IGDCC4: variants seen among roughly 807,000 people sequenced by gnomAD.
IGDCC4 encodes immunoglobulin superfamily DCC subclass member 4, also known as likely ortholog of mouse neighbor of Punc E11.
In IGDCC4, 72 loss-of-function variants were observed where a neutral mutation model predicts 116.6. The ratio of observed to expected loss-of-function variants is 0.62; its 90% CI spans 0.51 to 0.75. The LOEUF is 0.75. Among genes scored for constraint, IGDCC4 ranks in the 30% least tolerant of loss-of-function variants. The pLI, the probability that IGDCC4 is intolerant of heterozygous loss-of-function variation, is 0.00. For synonymous variants in IGDCC4, 709 were observed against 719.9 expected, an observed-to-expected ratio of 0.98 and a Z score of 0.24; for missense variants, 1,501 against 1,662.4, an observed-to-expected ratio of 0.90 and a Z score of 1.69.
At position 65,393,005 on chromosome 15, in the gene IGDCC4, A is replaced by G. The variant is rs2062881861; in HGVS notation, c.1885+356T>C. On this transcript the variant is annotated intron_variant, in intron 10 of 19. Transcript: ENST00000352385. The surrounding 1 kb of genome is among the most constrained non-coding windows in gnomAD (Gnocchi z 4.6). ...TTGGTCAGCATTTAATCACTCTTCT[A>G]TTGGGCCTCTCAACAAAAACAATCA... Among the ~76,000 whole-genome samples, 1 of 152,134 alleles carries G rather than the reference A, an allele frequency of 6.6e-6. No homozygotes were observed. Among genetic ancestry groups the G allele is most frequent in the South Asian group, 2.1e-4 (1 of 4,830 alleles).
At position 65,384,222 on chromosome 15, in the gene IGDCC4, C is replaced by T; in HGVS notation, c.3540G>A (p.Leu1180=). ...VGDPGQGAAW[L]DRELGGCELA... ...GCTCACACCCTCCCAACTCCCTGTC[C>T]AGCCAGGCTGCCCCCTGCCCTGGAT... The change falls in exon 20 of 20, where the codon CTG becomes CTA. Residue 1180 remains leucine, a synonymous_variant. Transcript: ENST00000352385. This position sits in a 1 kb window ranked among gnomAD's most constrained non-coding sequence, Gnocchi z 4.9. 11 of 1,601,992 alleles carry T rather than the reference C, an allele frequency of 6.9e-6. No homozygotes were observed. Among genetic ancestry groups the T allele is most frequent in the Non-Finnish European group, 9.4e-6 (11 of 1,171,296 alleles).
chr15:65,381,989 C>CT lies in IGDCC4; in HGVS notation c.*2019dup, dbSNP rs1202506480. 2.6e-5 allele frequency: 4 copies of CT among 152,410 alleles called. No homozygotes were observed. Among genetic ancestry groups the CT allele is most frequent in the African/African-American group, 9.7e-5 (4 of 41,368 alleles). The allele number at this position is 152,410 out of a possible 1,614,324, so 9.4% of individuals were successfully genotyped here. The stretch of plus-strand genomic sequence containing the variant: ...GCAGCTATTTAATTTAAACCAGAAC[C>CT]TCAGTGCCTGTTAAACAAGAACATG... On this transcript the variant is annotated 3_prime_UTR_variant, in exon 20 of 20. Coordinates refer to ENST00000352385, the MANE Select transcript of IGDCC4 (RefSeq NM_020962.3).
In IGDCC4 at chr15:65,390,149, C is replaced by A. The variant is rs759756674; in HGVS notation, c.2408+6G>T. ...TCTTTACATTAGTAAAGGCATTAGT[C>A]CCCACCTGGTGTAATAGGTGACCAG... On this transcript the variant is annotated splice_donor_region_variant and intron_variant, in intron 13 of 19. Coordinates refer to ENST00000352385, the MANE Select transcript of IGDCC4 (RefSeq NM_020962.3). 13 of 1,571,612 alleles carry A rather than the reference C, an allele frequency of 8.3e-6. No individual in the cohort carries two copies. Among genetic ancestry groups the A allele is most frequent in the Admixed American group, 1.7e-5 (1 of 59,088 alleles).
chr15:65,397,009 C>A lies in IGDCC4; in HGVS notation c.842-20G>T. 1 of 1,571,508 alleles carries A rather than the reference C, an allele frequency of 6.4e-7. No homozygotes were observed. Among genetic ancestry groups the A allele is most frequent in the Non-Finnish European group, 8.6e-7 (1 of 1,157,634 alleles). On this transcript the variant is annotated intron_variant, in intron 5 of 19. Coordinates refer to ENST00000352385, the MANE Select transcript of IGDCC4 (RefSeq NM_020962.3). ...TCCCGTCTGGGGAAGGAGAGGGAGA[C>A]GCGCTGGAGGGGACGCTAGGGACTG...
intron 13 of IGDCC4, among the ~76,000 whole-genome samples, chr15:65,389,742 C>G (rs1595777703): frequency 6.6e-6 from 1 of 152,200 alleles, no homozygotes; most frequent in Non-Finnish European, 1.5e-5. Context: ...ATATCGGTTG[C>G]TTTTTATGCG....
intron 7 of IGDCC4, 27 bp from the exon 8 acceptor site, chr15:65,395,285 G>A: frequency 6.3e-7 from 1 of 1,593,274 alleles, no homozygotes; most frequent in Non-Finnish European, 8.6e-7. Flanking sequence ...CAAGGGGACT[G>A]TCATAGTGCC....
At chr15:65,422,693 G>A in intron 1 of IGDCC4, 100 bp downstream of exon 1, 1 of 999,812 alleles carries the variant, frequency 1.0e-6, no homozygotes, top group Non-Finnish European at 1.3e-6. Context: ...CACTTGCTCG[G>A]GACTCCGGCT....
At position 65,410,237 on chromosome 15, in the gene IGDCC4, C is replaced by T; in HGVS notation, c.504G>A (p.Gly168=). Residue 168 remains glycine (G), a synonymous_variant, in exon 3 of 20, where the codon GGG becomes GGA. Coordinates refer to ENST00000352385, the MANE Select transcript of IGDCC4 (RefSeq NM_020962.3). ...GTARFECHIE[G]LPAPIITWEK... is the part of the protein sequence containing the mutation. ...CCCAAGTAATGATGGGAGCTGGCAG[C>T]CCTTCAATGTGGCACTCAAAGCGAG... 6.2e-7 allele frequency: 1 copy of T among 1,614,002 alleles called. No homozygotes were observed. The highest frequency in any genetic ancestry group is 8.5e-7 in the Non-Finnish European group (1 of 1,180,026).
chr15:65,411,242 G>A lies in IGDCC4; in HGVS notation c.199C>T (p.Pro67Ser). 1 of 1,614,152 alleles carries A rather than the reference G, an allele frequency of 6.2e-7. No homozygotes were observed. Among genetic ancestry groups the A allele is most frequent in the Non-Finnish European group, 8.5e-7 (1 of 1,180,012 alleles). ...CSLGAAAAGP[P>S]TRVTWSKDGD... ...TCCTTGCTCCAGGTCACCCTGGTGG[G>A]GGGTCCAGCGGCAGCAGCCCCCAGG... Residue 67 changes from proline to serine, a missense_variant, in exon 2 of 20, where the codon CCC becomes TCC. Pro to Ser is a moderately conservative substitution (Grantham distance 74). This residue lies in a region of IGDCC4 where 898 missense variants were observed against 978.9 expected (regional missense o/e 0.92). Transcript: ENST00000352385.
intron 4 of IGDCC4, among the ~76,000 whole-genome samples, chr15:65,401,787 T>C (rs905925170): frequency 2.6e-5 from 4 of 152,154 alleles, no homozygotes; most frequent in Non-Finnish European, 2.9e-5. Context: ...GTCATGCAGA[T>C]GGTGAGCAGA....
intron 14 of IGDCC4, 96 bp downstream of exon 14, chr15:65,389,188 C>T: frequency 1.3e-6 from 2 of 1,536,564 alleles, no homozygotes; most frequent in Non-Finnish European, 1.8e-6. Flanking sequence ...CCAGCTCTGC[C>T]CAAACCTTGG....
rs2062876169 is a variant in IGDCC4 at position 65,392,327 on chromosome 15, C to T, written c.1929G>A (p.Glu643=). The stretch of plus-strand genomic sequence containing the variant: ...GTGGCTGCCATGACACGACCAGGGA[C>T]TCCATCTTTGCCTGCACCTTCAACT... The part of the protein sequence containing the change: ...PAELKVQAKM[E]SLVVSWQPPP... Residue 643 remains glutamate (E), a synonymous_variant, in exon 11 of 20, where the codon GAG becomes GAA. Coordinates refer to ENST00000352385, the MANE Select transcript of IGDCC4 (RefSeq NM_020962.3). The T allele has an allele frequency of 6.3e-7, 1 of 1,578,542 alleles. No individual in the cohort carries two copies. Among genetic ancestry groups the T allele is most frequent in the South Asian group, 1.2e-5 (1 of 86,070 alleles).
rs1489228729 is a variant in IGDCC4, at chr15:65,410,209, T to C, written c.532A>G (p.Lys178Glu). The C allele has an allele frequency of 1.9e-6, 3 of 1,613,434 alleles. No homozygotes were observed. In the Admixed American group the frequency reaches 5.0e-5, roughly 27 times the overall value. ...TCCTCAGGCAATGTCACCTGGTCCTTCTCCCAAGTAATGATGGGAGCTGGC... is the reference window on the plus strand; with the variant it reads ...TCCTCAGGCAATGTCACCTGGTCCTCCTCCCAAGTAATGATGGGAGCTGGC... ...GLPAPIITWE[K>E]DQVTLPEEPR... Residue 178 changes from lysine (K) to glutamate (E), a missense_variant, in exon 3 of 20, where the codon AAG becomes GAG. Lys to Glu is a moderately conservative substitution (Grantham distance 56, BLOSUM62 1). Around this residue, in one of 3 missense-constraint regions of IGDCC4, gnomAD observed 898 missense variants for 978.9 expected, o/e 0.92. Transcript: ENST00000352385.
chr15:65,390,230 A>G lies in IGDCC4; in HGVS notation c.2333T>C (p.Val778Ala). 1.9e-6 allele frequency: 3 copies of G among 1,613,336 alleles called. No individual in the cohort carries two copies. The highest frequency in any genetic ancestry group is 2.5e-6 in the Non-Finnish European group (3 of 1,179,432). Residue 778 changes from valine to alanine, a missense_variant, in exon 13 of 20, where the codon GTC (valine) becomes GCC (alanine). This residue lies in a region of IGDCC4 where 235 missense variants were observed against 328.0 expected (regional missense o/e 0.72). Transcript: ENST00000352385. ...LRWKKPDFTT[V>A]KIVNYTVRFS... ...GCGCACAGTGTAGTTGACAATCTTG[A>G]CTGTGGTGAAATCTGGCTTTTTCCA...
intron 12 of IGDCC4, 54 bp downstream of exon 12, chr15:65,391,826 G>A (rs2091517607): frequency 2.7e-6 from 4 of 1,505,212 alleles, no homozygotes; most frequent in African/African-American, 2.7e-5. Context: ...AGAGGAAGCG[G>A]CTAGCAGAGC....
chr15:65,419,927 G>A (rs1386070091), intron 1 of IGDCC4, among the ~76,000 whole-genome samples: 1 of 152,120 alleles, frequency 6.6e-6, no homozygotes, highest in African/African-American at 2.4e-5. Context: ...CCTTCATTCT[G>A]CCTCATGTTT....
chr15:65,404,728 T>C (rs575056120), intron 3 of IGDCC4, among the ~76,000 whole-genome samples: 8 of 152,128 alleles, frequency 5.3e-5, no homozygotes, highest in Admixed American at 1.3e-4. Flanking sequence ...TCCCCAGATA[T>C]GGTGCTATTG....
At chr15:65,409,943 C>T (rs1383408592) in intron 3 of IGDCC4, among the ~76,000 whole-genome samples, 3 of 152,202 alleles carry the variant, frequency 2.0e-5, no homozygotes, top group African/African-American at 7.2e-5. Context: ...AAGGACTCTA[C>T]TACTACACCT....
intron 5 of IGDCC4, 25 bp from the exon 6 acceptor site, chr15:65,397,014 T>G: frequency 6.4e-7 from 1 of 1,569,028 alleles, no homozygotes; most frequent in Non-Finnish European, 8.6e-7. Flanking sequence ...GGAGACGCGC[T>G]GGAGGGGACG....
Sources: gnomAD v4.1 joint callset for allele counts (sites outside exome capture counted in the v4.1 genomes callset) on GRCh38, gnomAD v4.1.1 for gene constraint, gnomAD v4.1.1 regional missense constraint, Gnocchi (gnomAD v3.1) non-coding constraint, MANE v1.5 for transcripts, NCBI Gene and HGNC (gene_info 2026-07-23, HGNC 2026-07-21) for gene names.